Variants in RORA observed in about 807,000 individuals in gnomAD.
RORA encodes nuclear receptor ROR-alpha.
In RORA, 7 loss-of-function variants were observed where a neutral mutation model predicts 69.5. The ratio of observed to expected loss-of-function variants is 0.10; its 90% CI spans 0.06 to 0.19. The LOEUF is 0.19. Ranked by LOEUF, RORA falls within the 10% of genes least tolerant of loss-of-function variation. The pLI, the probability that RORA is intolerant of heterozygous loss-of-function variation, is 1.00. For missense variants in RORA, 457 were observed against 663.0 expected (o/e 0.69, Z 3.41); for synonymous variants, 261 against 240.8 (o/e 1.08, Z -0.78).
In RORA at chr15:60,670,458, T is replaced by G. The variant is rs189704939; in HGVS notation, c.196+8199A>C. On this transcript the variant is annotated intron_variant, in intron 2 of 10. Transcript: ENST00000335670. ...CTCTTGACCTTCAGTGATCCGCCCG[T>G]CTCGGCCTCCCAAAGTGCTGGGATT... 2.4e-4 allele frequency among the ~76,000 whole-genome samples: 37 copies of G among 152,114 alleles called. No individual in the cohort carries two copies. The East Asian group carries it at 5.2e-3, about 22-fold the overall frequency.
chr15:60,857,438 C>A (rs915786554), intron 1 of RORA, among the ~76,000 whole-genome samples: 2 of 152,110 alleles, frequency 1.3e-5, no homozygotes, highest in Non-Finnish European at 2.9e-5. Context: ...ACCTTGAACA[C>A]CCCATCCACA....
intron 1 of RORA, among the ~76,000 whole-genome samples, chr15:60,999,235 T>C (rs1894668764): frequency 6.6e-6 from 1 of 152,176 alleles, no homozygotes; most frequent in African/African-American, 2.4e-5. Context: ...CCTCATCGTT[T>C]GATAGAAAGA....
At chr15:60,930,355 AG>A (rs948199673) in intron 1 of RORA, among the ~76,000 whole-genome samples, 40 of 152,220 alleles carry the variant, frequency 2.6e-4, no homozygotes, top group African/African-American at 9.6e-4. Flanking sequence ...TCCATTCTCA[AG>A]GTCTATATAA....
Position 60,910,597 on chromosome 15 carries a change from G to A in RORA, c.167-231911C>T, listed in dbSNP as rs149967867. On this transcript the variant is annotated intron_variant, in intron 1 of 10. Transcript: ENST00000335670. Reference sequence around the variant, plus strand: ...AAGTTGGGGGTCCCGTTTTAGACATGGGAGGACTGAGACTCAGAGAGTTTA... The same window carrying A: ...AAGTTGGGGGTCCCGTTTTAGACATAGGAGGACTGAGACTCAGAGAGTTTA... Among the ~76,000 whole-genome samples, 49 of 152,246 alleles carry A rather than the reference G, an allele frequency of 3.2e-4. 1 individual carries two copies. Among genetic ancestry groups the A allele is most frequent in the African/African-American group, 1.1e-3 (46 of 41,530 alleles).
chr15:60,845,786 G>A (rs1023708878), intron 1 of RORA, among the ~76,000 whole-genome samples: 7 of 152,066 alleles, frequency 4.6e-5, no homozygotes, highest in Admixed American at 1.3e-4. Flanking sequence ...TTGCTCTGTC[G>A]CCCAGGCTGC....
At position 61,213,390 on chromosome 15, in the gene RORA, A is replaced by C. The variant is rs1358844682; in HGVS notation, c.166+15663T>G. ...AGTATATTTAAGTACCTTACCAAAAAGAAATCAGGTATTTTTCATTTGTTC... is the reference window on the plus strand; with the variant it reads ...AGTATATTTAAGTACCTTACCAAAACGAAATCAGGTATTTTTCATTTGTTC... On this transcript the variant is annotated intron_variant, in intron 1 of 10. Transcript: ENST00000335670. This position sits in a 1 kb window ranked among gnomAD's most constrained non-coding sequence, Gnocchi z 4.1. 1.3e-5 allele frequency among the ~76,000 whole-genome samples: 2 copies of C among 152,206 alleles called. No individual in the cohort carries two copies. The highest frequency in any genetic ancestry group is 4.8e-5 in the African/African-American group (2 of 41,436).
intron 1 of RORA, among the ~76,000 whole-genome samples, chr15:61,132,876 C>T (rs2079203680): frequency 6.6e-6 from 1 of 152,144 alleles, no homozygotes; most frequent in Non-Finnish European, 1.5e-5. Context: ...TCACTGTTGA[C>T]ACTTTTATAA....
chr15:60,899,761 T>C (rs974967642), intron 1 of RORA, among the ~76,000 whole-genome samples: 15 of 152,222 alleles, frequency 9.9e-5, no homozygotes, highest in Non-Finnish European at 2.1e-4. Context: ...TTTATCAGGA[T>C]GGAGTTTGAG....
At chr15:60,592,450 G>C (rs756690271) in intron 2 of RORA, 3 of 1,408,160 alleles carry the variant, frequency 2.1e-6, no homozygotes, top group Non-Finnish European at 2.8e-6. Context: ...CAGGGAGAGC[G>C]GATGGTCCGA....
chr15:60,573,882 C>T (rs747755804), intron 2 of RORA, among the ~76,000 whole-genome samples: 8 of 152,224 alleles, frequency 5.3e-5, no homozygotes, highest in Non-Finnish European at 8.8e-5. Flanking sequence ...CCCTCCCTGG[C>T]CTGTGAGCTC....
intron 1 of RORA, among the ~76,000 whole-genome samples, chr15:60,690,614 G>A (rs768438188): frequency 5.3e-5 from 8 of 152,152 alleles, no homozygotes; most frequent in Non-Finnish European, 8.8e-5. Flanking sequence ...AAAAACACAG[G>A]GTTAGGAAAT....
chr15:60,544,461 G>T (rs2067004942), intron 2 of RORA, among the ~76,000 whole-genome samples: 1 of 151,818 alleles, frequency 6.6e-6, no homozygotes, highest in South Asian at 2.1e-4. Flanking sequence ...CGAACCCCTC[G>T]TGCTCTCCCT....
At chr15:61,084,825 CT>C (rs34566111) in intron 1 of RORA, among the ~76,000 whole-genome samples, 36,811 of 138,566 alleles carry the variant, frequency 0.27, 4,956 homozygotes, top group African/African-American at 0.42. Flanking sequence ...TCTACCCATC[CT>C]TTTTTTTTTT....
intron 1 of RORA, among the ~76,000 whole-genome samples, chr15:61,212,944 G>A (rs2080006603): frequency 6.6e-6 from 1 of 152,092 alleles, no homozygotes; most frequent in South Asian, 2.1e-4. Flanking sequence ...TCTCTAGCCT[G>A]GCCCTCCTAA....
chr15:60,521,497 C>T (rs560137060), intron 3 of RORA, among the ~76,000 whole-genome samples: 82 of 152,244 alleles, frequency 5.4e-4, no homozygotes, highest in African/African-American at 1.9e-3. Context: ...GCCTCGGCCT[C>T]CCAAAGTGCT....
intron 1 of RORA, among the ~76,000 whole-genome samples, chr15:61,001,009 T>C (rs1439531661): frequency 2.0e-5 from 3 of 152,222 alleles, no homozygotes; most frequent in Non-Finnish European, 4.4e-5. Flanking sequence ...AAAAGACCTC[T>C]CTTAACTGAG....
chr15:60,645,420 A>ATT (rs11382212), intron 2 of RORA, among the ~76,000 whole-genome samples: 5,136 of 135,416 alleles, frequency 0.038, 236 homozygotes, highest in African/African-American at 0.1. Flanking sequence ...TGACAGATAA[A>ATT]TTTTTTTTTT....
intron 1 of RORA, among the ~76,000 whole-genome samples, chr15:61,096,306 T>TACA: frequency 6.6e-6 from 1 of 152,070 alleles, no homozygotes; most frequent in Non-Finnish European, 1.5e-5. Context: ...TGTGCTCTGG[T>TACA]ATAAGTTCAC....
intron 2 of RORA, among the ~76,000 whole-genome samples, chr15:60,655,404 G>A (rs2070205640): frequency 6.6e-6 from 1 of 152,116 alleles, no homozygotes; most frequent in Non-Finnish European, 1.5e-5. Flanking sequence ...GGAGACATAG[G>A]CCATGATAAA....
Sources: allele counts gnomAD v4.1 joint callset (sites outside exome capture counted in the v4.1 genomes callset), GRCh38; gene constraint gnomAD v4.1.1; non-coding constraint Gnocchi (gnomAD v3.1); transcripts MANE v1.5; gene names NCBI Gene and HGNC (gene_info 2026-07-23, HGNC 2026-07-21).